The following NRDC variants were observed in gnomAD, a reference collection of about 807,000 sequenced individuals.
NRDC encodes nardilysin.
NRDC carries 54 observed loss-of-function variants against 147.1 expected under a neutral mutation model. The ratio of observed to expected loss-of-function variants is 0.37; its 90% CI spans 0.29 to 0.46. NRDC has a LOEUF of 0.46. Ranked by LOEUF, NRDC falls within the 20% of genes least tolerant of loss-of-function variation. The probability of loss-of-function intolerance (pLI) is 1.00; values close to 1 mark genes in which losing one functional copy is unlikely to be tolerated. For missense variants in NRDC, 1,082 were observed against 1,370.6 expected (o/e 0.79, Z 3.33); for synonymous variants, 440 against 482.1 (o/e 0.91, Z 1.14).
intron 3 of NRDC, among the ~76,000 whole-genome samples, chr1:51,835,549 C>T (rs1481438987): frequency 6.6e-6 from 1 of 150,536 alleles, no homozygotes; most frequent in Non-Finnish European, 1.5e-5. Context: ...TCACTGCAAC[C>T]TCTACCTCCC....
intron 26 of NRDC, 150 bp downstream of exon 26, chr1:51,791,896 T>C (rs917772081): frequency 1.8e-5 from 15 of 847,268 alleles, no homozygotes; most frequent in Non-Finnish European, 2.6e-5. Context: ...CAGTCAAAGA[T>C]ACAAATTCCA....
chr1:51,810,456 A>G (rs1359768907), intron 15 of NRDC, 52 bp from the exon 16 acceptor site: 1 of 1,528,226 alleles, frequency 6.5e-7, no homozygotes, highest in Non-Finnish European at 8.8e-7. Context: ...AACCTAATAC[A>G]TCTCTGTTAA....
At chr1:51,816,257 T>C (rs1243646292) in intron 11 of NRDC, 55 bp downstream of exon 11, 6 of 1,141,742 alleles carry the variant, frequency 5.3e-6, no homozygotes, top group Non-Finnish European at 6.3e-6. Context: ...ATACTTATTG[T>C]CTACTATTTT....
chr1:51,810,145 G>A (rs1316362756), intron 16 of NRDC, 136 bp downstream of exon 16: 2 of 550,292 alleles, frequency 3.6e-6, no homozygotes, highest in Non-Finnish European at 5.9e-6. Context: ...AGTAGTATAA[G>A]TAATTTTCAT....
intron 1 of NRDC, among the ~76,000 whole-genome samples, chr1:51,877,061 A>G (rs762974816): frequency 4.6e-5 from 7 of 152,010 alleles, no homozygotes; most frequent in Non-Finnish European, 8.8e-5. Context: ...GGTGGCGAGC[A>G]CCTGTAGTCC....
chr1:51,871,748 T>G (rs887344859), intron 1 of NRDC, among the ~76,000 whole-genome samples: 1 of 152,122 alleles, frequency 6.6e-6, no homozygotes, highest in Non-Finnish European at 1.5e-5. Flanking sequence ...TAGCACCTAT[T>G]ATATTTAATG....
At chr1:51,872,945 G>A (rs902083988) in intron 1 of NRDC, among the ~76,000 whole-genome samples, 17 of 149,958 alleles carry the variant, frequency 1.1e-4, no homozygotes, top group African/African-American at 4.3e-4. Flanking sequence ...ATCAGACTAA[G>A]GAATTGTCAA....
At position 51,814,073 on chromosome 1, in the gene NRDC, G is replaced by C. The variant is rs373749609; in HGVS notation, c.1636C>G (p.Arg546Gly). The C allele has an allele frequency of 6.2e-7, 1 of 1,601,308 alleles. No individual in the cohort carries two copies. The highest frequency in any genetic ancestry group is 1.1e-5 in the South Asian group (1 of 90,430). The change falls in exon 14 of 31, where the codon CGG (arginine) becomes GGG (glycine). Residue 546 changes from arginine to glycine, a missense_variant. Around this residue, in one of 3 missense-constraint regions of NRDC, gnomAD observed 635 missense variants for 923.8 expected, o/e 0.69. Transcript: ENST00000352171. The part of the protein sequence containing the change: ...GPEKRIFEEI[R>G]KIEDNEFHYQ... The stretch of plus-strand genomic sequence containing the variant: ...TGAAATTCATTATCCTCAATTTTCC[G>C]AATCTCTTCAAAAATTCTGTGAAGG...
intron 15 of NRDC, 138 bp from the exon 16 acceptor site, chr1:51,810,542 A>C: frequency 1.5e-6 from 1 of 675,008 alleles, no homozygotes; most frequent in Non-Finnish European, 2.4e-6. Context: ...GAACACCCTA[A>C]TTTACAAAGT....
intron 26 of NRDC, among the ~76,000 whole-genome samples, 182 bp from the exon 27 acceptor site, chr1:51,791,843 T>G (rs1678672721): frequency 6.6e-6 from 1 of 152,160 alleles, no homozygotes; most frequent in Non-Finnish European, 1.5e-5. Flanking sequence ...CAAACTAGCC[T>G]TTTTTCTTAT....
intron 22 of NRDC, chr1:51,795,090 T>C (rs772287397): frequency 4.1e-5 from 60 of 1,453,726 alleles, no homozygotes; most frequent in Non-Finnish European, 4.9e-5. Flanking sequence ...TGTTTACCCA[T>C]AATACAGTTT....
chr1:51,872,924 G>C (rs1269310504), intron 1 of NRDC, among the ~76,000 whole-genome samples: 14 of 150,136 alleles, frequency 9.3e-5, no homozygotes, highest in Admixed American at 7.2e-4. Context: ...GGATTCACTT[G>C]TTCATTTGTT....
rs1571881136 is a variant in NRDC at position 51,834,139 on chromosome 1, A to G, written c.744T>C (p.Asp248=). 1 of 1,613,346 alleles carries G rather than the reference A, an allele frequency of 6.2e-7. No homozygotes were observed. ...MVFMGSLKYP[D]ENGFDAFLKK... is the part of the protein sequence containing the mutation. Reference sequence around the variant, plus strand: ...TCAGGAAGGCATCAAATCCATTCTCATCTGGATATTTCAAACTACCCATGA... The same window carrying G: ...TCAGGAAGGCATCAAATCCATTCTCGTCTGGATATTTCAAACTACCCATGA... The change falls in exon 4 of 31, where the codon GAT becomes GAC. Residue 248 remains aspartate, a synonymous_variant. Transcript: ENST00000352171.
At chr1:51,804,111 G>T in intron 19 of NRDC, 147 bp from the exon 20 acceptor site, 1 of 670,332 alleles carries the variant, frequency 1.5e-6, no homozygotes, top group Non-Finnish European at 2.4e-6. Flanking sequence ...GCTTACTCAG[G>T]ATTCAGTTTC....
chr1:51,853,370 C>T (rs1194087658), intron 1 of NRDC, among the ~76,000 whole-genome samples: 5 of 151,986 alleles, frequency 3.3e-5, no homozygotes, highest in African/African-American at 1.2e-4. Context: ...GAGCAAGAGC[C>T]CTGCTCCCTC....
chr1:51,792,731 T>A (rs145195154), intron 24 of NRDC, among the ~76,000 whole-genome samples: 1 of 152,136 alleles, frequency 6.6e-6, no homozygotes, highest in Non-Finnish European at 1.5e-5. Flanking sequence ...AATTAAGTAC[T>A]TGCAACTCAA....
Position 51,809,399 on chromosome 1 carries a change from T to C in NRDC, c.1906A>G (p.Ile636Val). ...CACAGTTCAGCCCAAGAGTTTTCAA[T>C]ATCTGTAAAGGAGAAAAATAAACTG... ...WFGTQYSIED[I>V]ENSWAELWNS... The change falls in exon 17 of 31, where the codon ATT (isoleucine) becomes GTT (valine). Residue 636 changes from isoleucine (I) to valine (V), a missense_variant and splice_region_variant. Ile to Val is a conservative substitution (Grantham distance 29). Around this residue, in one of 3 missense-constraint regions of NRDC, gnomAD observed 635 missense variants for 923.8 expected, o/e 0.69. Transcript: ENST00000352171. 1 of 1,604,806 alleles carries C rather than the reference T, an allele frequency of 6.2e-7. No individual in the cohort carries two copies. Among genetic ancestry groups the C allele is most frequent in the East Asian group, 2.2e-5 (1 of 44,792 alleles).
intron 21 of NRDC, among the ~76,000 whole-genome samples, chr1:51,799,724 A>G (rs1216890357): frequency 6.6e-6 from 1 of 152,202 alleles, no homozygotes; most frequent in Non-Finnish European, 1.5e-5. Context: ...AAAGTATCCT[A>G]CAGGCTACAA....
intron 28 of NRDC, 64 bp from the exon 29 acceptor site, chr1:51,790,713 G>T: frequency 8.2e-7 from 1 of 1,221,226 alleles, no homozygotes; most frequent in Middle Eastern, 1.9e-4. Context: ...AGAACACACT[G>T]GGCCCTGTCC....
Sources: allele counts gnomAD v4.1 joint callset (sites outside exome capture counted in the v4.1 genomes callset), GRCh38; gene constraint gnomAD v4.1.1; regional missense constraint gnomAD v4.1.1; transcripts MANE v1.5; gene names NCBI Gene and HGNC (gene_info 2026-07-23, HGNC 2026-07-21).